Variants in VAV3 observed in about 807,000 individuals in gnomAD.
VAV3 encodes the protein guanine nucleotide exchange factor VAV3.
A neutral mutation model predicts 131.2 loss-of-function variants in VAV3; 94 were observed. That is an observed-to-expected ratio of 0.72 (90% CI 0.61 to 0.85). VAV3 has a LOEUF of 0.85. Among genes scored for constraint, VAV3 ranks in the 40% least tolerant of loss-of-function variants. The pLI is 0.00. For missense variants in VAV3, 939 were observed against 1,002.7 expected (o/e 0.94, Z 0.86); for synonymous variants, 349 against 342.0 (o/e 1.02, Z -0.22).
intron 24 of VAV3, among the ~76,000 whole-genome samples, chr1:107,597,787 A>G (rs1489871320): frequency 6.6e-6 from 1 of 152,162 alleles, no homozygotes; most frequent in Non-Finnish European, 1.5e-5. Context: ...GGGCTAATAA[A>G]CCATTTCACA....
chr1:107,738,103 G>A (rs923569132), intron 15 of VAV3, among the ~76,000 whole-genome samples: 3 of 152,138 alleles, frequency 2.0e-5, no homozygotes, highest in African/African-American at 4.8e-5. Flanking sequence ...ACTATTGCAA[G>A]GACAGAACAC....
chr1:107,650,841 G>A (rs1458938911), intron 19 of VAV3, among the ~76,000 whole-genome samples: 1 of 151,666 alleles, frequency 6.6e-6, no homozygotes, highest in African/African-American at 2.4e-5. Flanking sequence ...ATAGTTTACT[G>A]AGAATGATGA....
chr1:107,773,493 C>T (rs184793345), intron 4 of VAV3, among the ~76,000 whole-genome samples: 2 of 152,160 alleles, frequency 1.3e-5, no homozygotes, highest in African/African-American at 4.8e-5. Context: ...CAGAGGAAAC[C>T]CACCAGTCCC....
At chr1:107,756,115 C>A in intron 11 of VAV3, among the ~76,000 whole-genome samples, 1 of 152,148 alleles carries the variant, frequency 6.6e-6, no homozygotes, top group East Asian at 1.9e-4. Context: ...AAATTTAATT[C>A]ATGAATTAAA....
chr1:107,813,907 A>C (rs1570989221), intron 2 of VAV3, among the ~76,000 whole-genome samples: 1 of 151,400 alleles, frequency 6.6e-6, no homozygotes, highest in African/African-American at 2.4e-5. Flanking sequence ...GATCTCCAGA[A>C]CCAACCATGT....
At chr1:107,625,546 C>A (rs773439717) in intron 20 of VAV3, among the ~76,000 whole-genome samples, 4 of 152,150 alleles carry the variant, frequency 2.6e-5, no homozygotes, top group Non-Finnish European at 5.9e-5. Flanking sequence ...GGATTACAGG[C>A]ATGAGCCACT....
rs776963121 is a variant in VAV3, at chr1:107,757,333, T to C, written c.1018-4A>G. Reference sequence around the variant, plus strand: ...CAGTGGTATGTTTGACCAGTTCCTATTTGGAAGATATGGTTTAGTACTACT... The same window carrying C: ...CAGTGGTATGTTTGACCAGTTCCTACTTGGAAGATATGGTTTAGTACTACT... On this transcript the variant is annotated splice_region_variant and splice_polypyrimidine_tract_variant and intron_variant, in intron 10 of 26. Transcript: ENST00000370056. 6.2e-7 allele frequency: 1 copy of C among 1,611,200 alleles called. No homozygotes were observed. The highest frequency in any genetic ancestry group is 1.1e-5 in the South Asian group (1 of 90,534).
intron 15 of VAV3, among the ~76,000 whole-genome samples, chr1:107,710,928 C>A (rs766155947): frequency 7.2e-5 from 11 of 152,062 alleles, no homozygotes; most frequent in African/African-American, 1.2e-4. Context: ...TAGTTTCTTA[C>A]TATGATAAAG....
At chr1:107,761,720 T>C (rs181933110) in intron 9 of VAV3, among the ~76,000 whole-genome samples, 17 of 152,324 alleles carry the variant, frequency 1.1e-4, no homozygotes, top group Admixed American at 1.0e-3. Flanking sequence ...TCTCTCTGTC[T>C]TGTGGGTCTT....
Position 107,688,398 on chromosome 1 carries a change from T to C in VAV3, c.1714A>G (p.Thr572Ala). The C allele has an allele frequency of 1.2e-6, 2 of 1,613,382 alleles. No individual in the cohort carries two copies. Among genetic ancestry groups the C allele is most frequent in the Non-Finnish European group, 1.7e-6 (2 of 1,179,656 alleles). ...AATCTTACCTCTGGTAGTTTGAGTGTCCCTTGTTCTGAAAGAAATGTAAAA... is the reference window on the plus strand; with the variant it reads ...AATCTTACCTCTGGTAGTTTGAGTGCCCCTTGTTCTGAAAGAAATGTAAAA... ...CGRVNSGEQG[T>A]LKLPEKRTNG... Residue 572 changes from threonine to alanine, a missense_variant, in exon 18 of 27, where the codon ACA becomes GCA. Transcript: ENST00000370056.
At chr1:107,628,629 T>C (rs1654216906) in intron 20 of VAV3, among the ~76,000 whole-genome samples, 1 of 152,216 alleles carries the variant, frequency 6.6e-6, no homozygotes, top group African/African-American at 2.4e-5. Flanking sequence ...TGATGTTTTG[T>C]TTACTATTTT....
At chr1:107,728,442 G>A (rs1023313515) in intron 15 of VAV3, among the ~76,000 whole-genome samples, 2 of 152,052 alleles carry the variant, frequency 1.3e-5, no homozygotes, top group Non-Finnish European at 1.5e-5. Context: ...AGTGGCATTT[G>A]AGGGAAAAAT....
chr1:107,890,584 GA>G (rs1230559136), intron 1 of VAV3, among the ~76,000 whole-genome samples: 1 of 151,922 alleles, frequency 6.6e-6, no homozygotes, highest in Non-Finnish European at 1.5e-5. Context: ...CTTCCAGTGG[GA>G]AGAGAAAAAT....
At chr1:107,958,120 C>A (rs1038320646) in intron 1 of VAV3, among the ~76,000 whole-genome samples, 5 of 152,124 alleles carry the variant, frequency 3.3e-5, no homozygotes, top group Non-Finnish European at 7.4e-5. Flanking sequence ...GCAGATTATC[C>A]AAGAGAATAA....
At position 107,958,982 on chromosome 1, in the gene VAV3, C is replaced by T. The variant is rs183204104; in HGVS notation, c.204+5684G>A. ...ATAAGAAAATAAACTATATCTAGGC[C>T]GGGCACAGTGGCTTACAGCTGTAAT... On this transcript the variant is annotated intron_variant, in intron 1 of 26. Transcript: ENST00000370056. Among the ~76,000 whole-genome samples, 10 of 152,152 alleles carry T rather than the reference C, an allele frequency of 6.6e-5. No homozygotes were observed. The East Asian group carries it at 7.7e-4, about 12-fold the overall frequency.
intron 1 of VAV3, among the ~76,000 whole-genome samples, chr1:107,904,976 T>C (rs1672034148): frequency 6.6e-6 from 1 of 152,156 alleles, no homozygotes; most frequent in South Asian, 2.1e-4. Flanking sequence ...AAATAGGAAA[T>C]ATCTGAGGGA....
At chr1:107,864,815 C>T (rs942935293) in intron 2 of VAV3, among the ~76,000 whole-genome samples, 7 of 152,142 alleles carry the variant, frequency 4.6e-5, no homozygotes, top group Non-Finnish European at 1.0e-4. Context: ...TTATGCTTTA[C>T]CAATTTGTTT....
At chr1:107,574,239 C>T (rs527617062) in intron 25 of VAV3, 41 bp from the exon 26 acceptor site, 22 of 1,598,356 alleles carry the variant, frequency 1.4e-5, no homozygotes, top group South Asian at 1.0e-4. Flanking sequence ...GTTTGCAGTT[C>T]GTTAACAACC....
At chr1:107,642,432 A>G (rs549658738) in intron 20 of VAV3, among the ~76,000 whole-genome samples, 187 bp downstream of exon 20, 2 of 152,340 alleles carry the variant, frequency 1.3e-5, no homozygotes, top group South Asian at 4.1e-4. Flanking sequence ...AATAACCATA[A>G]AAATGGGCAA....
Sources: allele counts gnomAD v4.1 joint callset (sites outside exome capture counted in the v4.1 genomes callset), GRCh38; gene constraint gnomAD v4.1.1; transcripts MANE v1.5; gene names NCBI Gene and HGNC (gene_info 2026-07-23, HGNC 2026-07-21).